PAPPA: variants seen among roughly 807,000 people sequenced by gnomAD.
PAPPA encodes the protein pappalysin-1.
A neutral mutation model predicts 164.0 loss-of-function variants in PAPPA; 60 were observed. That is an observed-to-expected ratio of 0.37 (90% CI 0.30 to 0.45). The LOEUF is 0.45. Ranked by LOEUF, PAPPA falls within the 20% of genes least tolerant of loss-of-function variation. The pLI is 1.00. For synonymous variants in PAPPA, 875 were observed against 814.1 expected, an observed-to-expected ratio of 1.07 and a Z score of -1.27; for missense variants, 1,782 against 2,087.3, an observed-to-expected ratio of 0.85 and a Z score of 2.85.
intron 7 of PAPPA, among the ~76,000 whole-genome samples, chr9:116,253,723 G>T (rs1844888685): frequency 6.6e-6 from 1 of 152,124 alleles, no homozygotes; most frequent in Non-Finnish European, 1.5e-5. Flanking sequence ...TTTAATATGT[G>T]AATATTAAGA....
intron 19 of PAPPA, among the ~76,000 whole-genome samples, chr9:116,377,041 G>T (rs972180150): frequency 6.6e-6 from 1 of 152,114 alleles, no homozygotes; most frequent in Non-Finnish European, 1.5e-5. Context: ...TCCAAAGCAG[G>T]TCTGAGGAAT....
At chr9:116,372,007 G>A (rs1846581725) in intron 19 of PAPPA, among the ~76,000 whole-genome samples, 1 of 152,150 alleles carries the variant, frequency 6.6e-6, no homozygotes, top group African/African-American at 2.4e-5. Flanking sequence ...TCATAAGTGT[G>A]TTTTCAACTT....
At chr9:116,375,012 G>A (rs1049661105) in intron 19 of PAPPA, among the ~76,000 whole-genome samples, 8 of 152,232 alleles carry the variant, frequency 5.3e-5, no homozygotes, top group African/African-American at 1.9e-4. Context: ...GGATACAGAA[G>A]TGTCTATAAC....
intron 2 of PAPPA, among the ~76,000 whole-genome samples, chr9:116,195,384 T>C (rs912069914): frequency 6.6e-6 from 1 of 152,046 alleles, no homozygotes; most frequent in African/African-American, 2.4e-5. Flanking sequence ...AAAGATGAGG[T>C]TAATAAGGAG....
intron 7 of PAPPA, among the ~76,000 whole-genome samples, chr9:116,265,396 C>T (rs1587978496): frequency 2.0e-5 from 3 of 152,134 alleles, no homozygotes; most frequent in Non-Finnish European, 2.9e-5. Context: ...GGTTTGCTCA[C>T]GTGTAATGGA....
chr9:116,383,529 A>AATG (rs1846761187), intron 21 of PAPPA, among the ~76,000 whole-genome samples: 1 of 126,926 alleles, frequency 7.9e-6, no homozygotes, highest in African/African-American at 2.8e-5. Context: ...TGACAAAGTG[A>AATG]ATGATAGAAA....
intron 7 of PAPPA, among the ~76,000 whole-genome samples, chr9:116,262,495 T>A (rs1181123320): frequency 6.6e-6 from 1 of 152,202 alleles, no homozygotes; most frequent in Admixed American, 6.5e-5. Context: ...CTGCTGTCGC[T>A]GCACTAAATG....
chr9:116,344,594 G>A lies in PAPPA; in HGVS notation c.3663G>A (p.Glu1221=), dbSNP rs1846182388. Residue 1221 remains glutamate (E), a synonymous_variant, in exon 14 of 22, where the codon GAG becomes GAA. Transcript: ENST00000328252. ...EKTDCPELAV[E]NASLNCSSSD... ...CTGACTGTCCAGAGCTGGCTGTGGA[G>A]AATGCTTCTCTCAATTGCTCCAGCA... The A allele has an allele frequency of 6.2e-7, 1 of 1,614,162 alleles. No homozygotes were observed. Among genetic ancestry groups the A allele is most frequent in the Non-Finnish European group, 8.5e-7 (1 of 1,180,000 alleles).
intron 7 of PAPPA, among the ~76,000 whole-genome samples, chr9:116,262,547 T>G (rs1226873234): frequency 2.0e-5 from 3 of 152,184 alleles, no homozygotes; most frequent in Non-Finnish European, 2.9e-5. Flanking sequence ...TTTAAGAATA[T>G]TCTGACGATG....
chr9:116,277,759 C>T (rs186290275), intron 9 of PAPPA, among the ~76,000 whole-genome samples: 2 of 152,158 alleles, frequency 1.3e-5, no homozygotes, highest in East Asian at 3.9e-4. Context: ...TCACTGCAAC[C>T]TCCGCCTCCC....
intron 2 of PAPPA, among the ~76,000 whole-genome samples, chr9:116,193,556 G>A (rs974002338): frequency 2.6e-5 from 4 of 152,120 alleles, no homozygotes; most frequent in African/African-American, 7.2e-5. Flanking sequence ...GCTGAGCTGC[G>A]ATGGAGACCC....
In PAPPA at chr9:116,235,631, T is replaced by G. The variant is rs757367272; in HGVS notation, c.2726T>G (p.Val909Gly). The G allele has an allele frequency of 7.4e-6, 12 of 1,612,998 alleles. No homozygotes were observed. Among genetic ancestry groups the G allele is most frequent in the Non-Finnish European group, 1.0e-5 (12 of 1,179,842 alleles). ...ATCCTACATCTCAATAGGAAATTCGTAGACATGTAAGTGCATTCTCTGAAT... is the reference window on the plus strand; with the variant it reads ...ATCCTACATCTCAATAGGAAATTCGGAGACATGTAAGTGCATTCTCTGAAT... ...ASILHLNRKF[V>G]DMDLNLGSVY... The change falls in exon 7 of 22, where the codon GTA (valine) becomes GGA (glycine). Residue 909 changes from valine to glycine, a missense_variant. By Grantham distance (109) the Val-to-Gly change is moderately radical. Around this residue, in one of 2 missense-constraint regions of PAPPA, gnomAD observed 1,324 missense variants for 1,656.9 expected, o/e 0.80. Transcript: ENST00000328252.
At chr9:116,176,627 C>G (rs1489007946) in intron 1 of PAPPA, among the ~76,000 whole-genome samples, 2 of 152,134 alleles carry the variant, frequency 1.3e-5, no homozygotes, top group African/African-American at 4.8e-5. Context: ...ATAAATATCC[C>G]TCTCTCCTGT....
At chr9:116,285,075 T>C (rs749012593) in intron 9 of PAPPA, among the ~76,000 whole-genome samples, 4 of 152,088 alleles carry the variant, frequency 2.6e-5, no homozygotes, top group Non-Finnish European at 4.4e-5. Context: ...TTAAATTCCT[T>C]ACTGTGTCAT....
At chr9:116,307,255 A>C (rs1317407843) in intron 10 of PAPPA, among the ~76,000 whole-genome samples, 2 of 152,060 alleles carry the variant, frequency 1.3e-5, no homozygotes, top group African/African-American at 4.8e-5. Context: ...CTTCATTTTG[A>C]GTTGCTATTA....
chr9:116,217,157 T>C (rs1844383977), intron 4 of PAPPA, among the ~76,000 whole-genome samples: 1 of 152,218 alleles, frequency 6.6e-6, no homozygotes, highest in Non-Finnish European at 1.5e-5. Flanking sequence ...TTTTAAGTTA[T>C]AAAAGAAAAA....
Position 116,154,520 on chromosome 9 carries a change from G to A in PAPPA, c.348G>A (p.Arg116=). 3 of 1,401,420 alleles carry A rather than the reference G, an allele frequency of 2.1e-6. No individual in the cohort carries two copies. Among genetic ancestry groups the A allele is most frequent in the Non-Finnish European group, 2.8e-6 (3 of 1,075,932 alleles). 86.8% of individuals were successfully genotyped at this position (1,401,420 alleles called of 1,614,324 possible). The change falls in exon 1 of 22, where the codon CGG becomes CGA. Residue 116 remains arginine (R), a synonymous_variant. Coordinates refer to ENST00000328252, the MANE Select transcript of PAPPA (RefSeq NM_002581.5). The surrounding 1 kb of genome is among the most constrained non-coding windows in gnomAD (Gnocchi z 5.2). ...TCCGGGCCGACCTCGAGCTGCCCCG[G>A]GACGCGTTCACGCTGCAAGTGTGGC... ...LRLRADLELP[R]DAFTLQVWLR...
At chr9:116,203,779 G>T (rs1264917614) in intron 2 of PAPPA, among the ~76,000 whole-genome samples, 2 of 152,136 alleles carry the variant, frequency 1.3e-5, no homozygotes, top group African/African-American at 4.8e-5. Flanking sequence ...TACATGGAGT[G>T]CATCACATGT....
At chr9:116,328,392 G>A (rs1263555874) in intron 10 of PAPPA, among the ~76,000 whole-genome samples, 1 of 152,192 alleles carries the variant, frequency 6.6e-6, no homozygotes, top group Non-Finnish European at 1.5e-5. Context: ...CCATTTAAGT[G>A]GCTATGTTCT....
Sources: gnomAD v4.1 joint callset for allele counts (sites outside exome capture counted in the v4.1 genomes callset) on GRCh38, gnomAD v4.1.1 for gene constraint, gnomAD v4.1.1 regional missense constraint, Gnocchi (gnomAD v3.1) non-coding constraint, MANE v1.5 for transcripts, NCBI Gene and HGNC (gene_info 2026-07-23, HGNC 2026-07-21) for gene names.